Variants in ERC1 observed in about 807,000 individuals in gnomAD.
ERC1 encodes RAB6 interacting protein 2.
ERC1 carries 56 observed loss-of-function variants against 132.0 expected under a neutral mutation model. The observed-to-expected ratio is 0.42, with a 90% confidence interval of 0.34 to 0.53. The LOEUF (loss-of-function observed/expected upper bound fraction) is 0.53. Among genes scored for constraint, ERC1 ranks in the 20% least tolerant of loss-of-function variants. The pLI is 0.03. For missense variants in ERC1, 1,202 were observed against 1,349.9 expected (o/e 0.89, Z 1.72); for synonymous variants, 478 against 476.1 (o/e 1.00, Z -0.05).
chr12:1,234,972 G>A (rs77261812), intron 12 of ERC1, among the ~76,000 whole-genome samples: 4,751 of 152,266 alleles, frequency 0.031, 119 homozygotes, highest in East Asian at 0.073. Flanking sequence ...CAAAGTTAAC[G>A]TCGTTTTAGG....
intron 16 of ERC1, among the ~76,000 whole-genome samples, chr12:1,383,394 A>T (rs2088927286): frequency 6.6e-6 from 1 of 152,070 alleles, no homozygotes; most frequent in Admixed American, 6.6e-5. Context: ...GGTGGGAACC[A>T]GTCAGACCAA....
intron 8 of ERC1, 104 bp from the exon 9 acceptor site, chr12:1,180,436 A>C: frequency 9.7e-7 from 1 of 1,035,450 alleles, no homozygotes; most frequent in Non-Finnish European, 1.4e-6. Context: ...GCACACACAC[A>C]GACAACCCTG....
chr12:1,101,101 A>G lies in ERC1; in HGVS notation c.1087-3649A>G, dbSNP rs75251717. ...GGGTGCTAGCAATGTGGAGGTCGTC[A>G]GTGACCCTGATGAATTGCATAGATG... On this transcript the variant is annotated intron_variant, in intron 3 of 18. Transcript: ENST00000360905. Among the ~76,000 whole-genome samples, 507 of 152,302 alleles carry G rather than the reference A, an allele frequency of 3.3e-3. 7 individuals carry two copies. Among genetic ancestry groups the G allele is most frequent in the African/African-American group, 0.012 (486 of 41,562 alleles).
chr12:1,220,611 A>C (rs1158900922), intron 12 of ERC1, among the ~76,000 whole-genome samples: 2 of 152,356 alleles, frequency 1.3e-5, no homozygotes, highest in Non-Finnish European at 2.9e-5. Context: ...GTGACCTGCA[A>C]AGCTCTTCAG....
intron 15 of ERC1, among the ~76,000 whole-genome samples, chr12:1,337,222 G>A (rs1181183831): frequency 2.0e-5 from 3 of 152,092 alleles, no homozygotes; most frequent in South Asian, 2.1e-4. Flanking sequence ...TCCTGAATCC[G>A]GGTGCTCCTG....
intron 10 of ERC1, among the ~76,000 whole-genome samples, 183 bp downstream of exon 10, chr12:1,182,248 G>GGTCTCTGCAAGCTAT (rs1242245097): frequency 5.9e-5 from 9 of 152,170 alleles, no homozygotes; most frequent in Admixed American, 2.0e-4. Context: ...ATAGCGGATT[G>GGTCTCTGCAAGCTAT]GTTCATTCAT....
chr12:1,207,172 T>C (rs1957420805), intron 12 of ERC1, among the ~76,000 whole-genome samples: 1 of 152,302 alleles, frequency 6.6e-6, no homozygotes, highest in South Asian at 2.1e-4. Context: ...TTACACACTT[T>C]AAAAAGATTT....
intron 8 of ERC1, among the ~76,000 whole-genome samples, chr12:1,153,309 G>A (rs1951005730): frequency 1.3e-5 from 2 of 152,246 alleles, no homozygotes; most frequent in African/African-American, 2.4e-5. Flanking sequence ...TGCTGAATAT[G>A]TTAGACAATT....
chr12:1,211,726 A>AC (rs1957895175), intron 12 of ERC1, among the ~76,000 whole-genome samples: 1 of 140,832 alleles, frequency 7.1e-6, no homozygotes, highest in South Asian at 2.3e-4. Context: ...CGCCCAGCTA[A>AC]TTTTTTTTTT....
At chr12:1,209,157 CAG>C (rs1246968628) in intron 12 of ERC1, among the ~76,000 whole-genome samples, 1 of 151,820 alleles carries the variant, frequency 6.6e-6, no homozygotes, top group Non-Finnish European at 1.5e-5. Flanking sequence ...TTAGTAGAGA[CAG>C]GGTTTCGCCA....
rs563303085 is a variant in ERC1, at chr12:1,044,822, T to C, written c.669+16250T>C. Among the ~76,000 whole-genome samples the C allele has an allele frequency of 2.0e-5, 3 of 152,286 alleles. No individual in the cohort carries two copies. The South Asian group carries it at 6.2e-4, about 32-fold the overall frequency. Reference sequence around the variant, plus strand: ...AGCCTTAATATTCCTGTAGGAGTTATCAGGAACTTTGAGTAGAGTAATTAG... The same window carrying C: ...AGCCTTAATATTCCTGTAGGAGTTACCAGGAACTTTGAGTAGAGTAATTAG... On this transcript the variant is annotated intron_variant, in intron 2 of 18. Coordinates refer to ENST00000360905, the MANE Select transcript of ERC1 (RefSeq NM_178040.4).
At chr12:1,452,144 C>T (rs1024210054) in intron 18 of ERC1, among the ~76,000 whole-genome samples, 33 of 152,156 alleles carry the variant, frequency 2.2e-4, no homozygotes, top group African/African-American at 6.8e-4. Context: ...AAACTGTACA[C>T]CTTGTTTTTG....
chr12:1,342,665 G>A (rs538043149), intron 15 of ERC1, among the ~76,000 whole-genome samples: 7 of 152,240 alleles, frequency 4.6e-5, no homozygotes, highest in East Asian at 3.9e-4. Flanking sequence ...AGAAGAGAGC[G>A]TTGCGCGTAT....
chr12:1,028,676 C>T (rs750611588), intron 2 of ERC1, 104 bp downstream of exon 2: 1 of 938,086 alleles, frequency 1.1e-6, no homozygotes, highest in Non-Finnish European at 1.6e-6. Context: ...GTATATGTAT[C>T]TTCCTTTTTC....
intron 1 of ERC1, among the ~76,000 whole-genome samples, chr12:1,010,510 A>ATT (rs71055123): frequency 2.5e-5 from 3 of 118,388 alleles, no homozygotes; most frequent in East Asian, 2.4e-4. Flanking sequence ...AGGAAATATG[A>ATT]TTTTTTTTTT....
intron 14 of ERC1, among the ~76,000 whole-genome samples, chr12:1,271,380 G>A (rs530601770): frequency 2.0e-5 from 3 of 152,240 alleles, no homozygotes; most frequent in Non-Finnish European, 4.4e-5. Context: ...ATAAAGGATA[G>A]AAGAGAAAAC....
chr12:1,096,284 A>C (rs1017996456), intron 3 of ERC1, among the ~76,000 whole-genome samples: 12 of 152,236 alleles, frequency 7.9e-5, no homozygotes, highest in African/African-American at 1.4e-4. Flanking sequence ...GTGATGCTCA[A>C]GAGGAGAAAT....
intron 2 of ERC1, among the ~76,000 whole-genome samples, chr12:1,070,148 A>G (rs1157577080): frequency 6.6e-6 from 1 of 152,126 alleles, no homozygotes; most frequent in Admixed American, 6.5e-5. Flanking sequence ...TATAACCTCA[A>G]ACTTCAGCTT....
At chr12:1,161,687 T>C (rs1951900019) in intron 8 of ERC1, among the ~76,000 whole-genome samples, 1 of 152,174 alleles carries the variant, frequency 6.6e-6, no homozygotes, top group African/African-American at 2.4e-5. Context: ...GGTATAACTT[T>C]TAAGGTAGAA....
Sources: gnomAD v4.1 joint callset for allele counts (sites outside exome capture counted in the v4.1 genomes callset) on GRCh38, gnomAD v4.1.1 for gene constraint, MANE v1.5 for transcripts, NCBI Gene and HGNC (gene_info 2026-07-23, HGNC 2026-07-21) for gene names.